The following AK9 variants were observed in gnomAD, a reference collection of about 807,000 sequenced individuals.
AK9 encodes the protein adenylate kinase 9.
A neutral mutation model predicts 239.6 loss-of-function variants in AK9; 191 were observed. The ratio of observed to expected loss-of-function variants is 0.80; its 90% CI spans 0.71 to 0.90. AK9 has a LOEUF of 0.90. Among genes scored for constraint, AK9 ranks in the 40% least tolerant of loss-of-function variants. The pLI is 0.00. For synonymous variants in AK9, 689 were observed against 721.0 expected (o/e 0.96, Z 0.71); for missense variants, 1,995 against 2,214.7 (o/e 0.90, Z 1.99).
At chr6:109,533,499 T>A (rs374831986) in intron 27 of AK9, 29 bp from the exon 28 acceptor site, 74 of 1,533,852 alleles carry the variant, frequency 4.8e-5, no homozygotes, top group Non-Finnish European at 6.0e-5. Flanking sequence ...ATTTACTTTA[T>A]TTCATTAAAA....
intron 13 of AK9, among the ~76,000 whole-genome samples, chr6:109,616,357 T>C (rs770767207): frequency 6.6e-6 from 1 of 152,164 alleles, no homozygotes; most frequent in African/African-American, 2.4e-5. Context: ...AATGATTTTC[T>C]TGAAAGATGC....
chr6:109,540,021 G>A (rs538962781), intron 27 of AK9, among the ~76,000 whole-genome samples: 5 of 152,168 alleles, frequency 3.3e-5, no homozygotes, highest in East Asian at 1.9e-4. Context: ...CTACTGGGGG[G>A]TGCCTCCCAG....
Position 109,542,104 on chromosome 6 carries a change from A to C in AK9, c.3293T>G (p.Leu1098Trp). The change falls in exon 27 of 41, where the codon TTG becomes TGG. Residue 1098 changes from leucine (L) to tryptophan (W), a missense_variant. Leu to Trp is a moderately conservative substitution (Grantham distance 61). Coordinates refer to ENST00000424296, the MANE Select transcript of AK9 (RefSeq NM_001145128.3). ...IKSSLMENEP[L>W]PPEILEVILS... ...AATTACTTCAAGAATTTCAGGAGGC[A>C]AGGGCTCATTTTCCATTAGACTTGA... 2 of 1,609,810 alleles carry C rather than the reference A, an allele frequency of 1.2e-6. No homozygotes were observed. The highest frequency in any genetic ancestry group is 1.7e-6 in the Non-Finnish European group (2 of 1,176,950).
chr6:109,682,426 CAAA>C (rs57215335), intron 1 of AK9, among the ~76,000 whole-genome samples: 2 of 68,536 alleles, frequency 2.9e-5, no homozygotes, highest in Non-Finnish European at 5.6e-5. Flanking sequence ...GACTCCGTCT[CAAA>C]AAAAAAAAAA....
chr6:109,663,424 C>T (rs547560181), intron 5 of AK9, among the ~76,000 whole-genome samples: 2 of 152,186 alleles, frequency 1.3e-5, no homozygotes, highest in South Asian at 4.2e-4. Flanking sequence ...GGGTATTTGG[C>T]AGAAATCTTA....
At chr6:109,607,900 C>T (rs1038413458) in intron 17 of AK9, among the ~76,000 whole-genome samples, 1 of 151,682 alleles carries the variant, frequency 6.6e-6, no homozygotes, top group East Asian at 1.9e-4. Context: ...GAAAACATAA[C>T]ATATGATACA....
intron 6 of AK9, among the ~76,000 whole-genome samples, chr6:109,662,196 T>TGGTC (rs1800518432): frequency 6.6e-6 from 1 of 152,126 alleles, no homozygotes; most frequent in African/African-American, 2.4e-5. Flanking sequence ...GCACCACGAA[T>TGGTC]GGTCATCAGA....
At chr6:109,644,375 T>C (rs1797785228) in intron 9 of AK9, 2 of 372,570 alleles carry the variant, frequency 5.4e-6, no homozygotes, top group Admixed American at 9.2e-5. Flanking sequence ...TGGTTACCAT[T>C]GCTTTTACTT....
chr6:109,557,443 A>G (rs1018056899), intron 24 of AK9, among the ~76,000 whole-genome samples: 1 of 151,752 alleles, frequency 6.6e-6, no homozygotes, highest in Admixed American at 6.6e-5. Context: ...ATGTCTAACA[A>G]CCCCTGTTAG....
chr6:109,562,695 T>C (rs1785931126), intron 24 of AK9, among the ~76,000 whole-genome samples: 1 of 152,204 alleles, frequency 6.6e-6, no homozygotes, highest in South Asian at 2.1e-4. Flanking sequence ...TTATTCCCCA[T>C]TCCTAAGGCT....
chr6:109,500,565 T>G (rs1777508322), intron 35 of AK9, among the ~76,000 whole-genome samples: 1 of 152,340 alleles, frequency 6.6e-6, no homozygotes, highest in Non-Finnish European at 1.5e-5. Flanking sequence ...GGTCCTAAAT[T>G]AACCATAAAA....
intron 17 of AK9, among the ~76,000 whole-genome samples, chr6:109,588,101 C>T (rs866372596): frequency 8.0e-5 from 12 of 149,308 alleles, no homozygotes; most frequent in Middle Eastern, 3.7e-3. Context: ...GACGGAGTTT[C>T]GCTCTGTCGC....
intron 35 of AK9, 138 bp downstream of exon 35, chr6:109,506,189 T>C: frequency 2.8e-6 from 2 of 714,476 alleles, no homozygotes; most frequent in Non-Finnish European, 4.6e-6. Context: ...TTATATATAG[T>C]ATTGGATAAT....
intron 35 of AK9, among the ~76,000 whole-genome samples, chr6:109,502,607 G>T (rs147173638): frequency 1.2e-4 from 19 of 152,272 alleles, no homozygotes; most frequent in African/African-American, 4.6e-4. Flanking sequence ...TCCAGTTTGC[G>T]GCAGTTTGTT....
intron 8 of AK9, among the ~76,000 whole-genome samples, chr6:109,650,267 G>A (rs1273816723): frequency 1.3e-5 from 2 of 151,730 alleles, no homozygotes; most frequent in Non-Finnish European, 2.9e-5. Flanking sequence ...CTTCTGCACA[G>A]CAAAAGAAAC....
At chr6:109,549,022 C>T (rs961381260) in intron 25 of AK9, among the ~76,000 whole-genome samples, 3 of 152,164 alleles carry the variant, frequency 2.0e-5, no homozygotes, top group African/African-American at 7.2e-5. Flanking sequence ...AGAGCAATAA[C>T]ATCTGCTTAT....
At chr6:109,585,788 T>C (rs1290102969) in intron 18 of AK9, 128 bp downstream of exon 18, 5 of 869,862 alleles carry the variant, frequency 5.7e-6, no homozygotes, top group Non-Finnish European at 8.5e-6. Context: ...GTACCTCTAG[T>C]TCCTGCAGGG....
At chr6:109,509,456 G>T (rs1778460987) in intron 32 of AK9, 76 bp from the exon 33 acceptor site, 3 of 1,287,466 alleles carry the variant, frequency 2.3e-6, no homozygotes, top group Admixed American at 2.1e-5. Flanking sequence ...TGTTACATGG[G>T]TATATTGTGT....
chr6:109,506,725 G>A lies in AK9; in HGVS notation c.4557C>T (p.Val1519=). The A allele has an allele frequency of 2.0e-6, 3 of 1,537,588 alleles. No individual in the cohort carries two copies. The highest frequency in any genetic ancestry group is 2.6e-6 in the Non-Finnish European group (3 of 1,136,666). ...LLEARSIIPM[V]IFELSVPSKE... Reference sequence around the variant, plus strand: ...TGGAAGGCACACTCAATTCAAAGATGACCATGGGAATGATTGACCTAGCTT... The same window carrying A: ...TGGAAGGCACACTCAATTCAAAGATAACCATGGGAATGATTGACCTAGCTT... The change falls in exon 34 of 41, where the codon GTC becomes GTT. Residue 1519 remains valine, a synonymous_variant. Coordinates refer to ENST00000424296, the MANE Select transcript of AK9 (RefSeq NM_001145128.3).
Sources: gnomAD v4.1 joint callset for allele counts (sites outside exome capture counted in the v4.1 genomes callset) on GRCh38, gnomAD v4.1.1 for gene constraint, MANE v1.5 for transcripts, NCBI Gene and HGNC (gene_info 2026-07-23, HGNC 2026-07-21) for gene names.